The following AEBP1 variants were observed in gnomAD, a reference collection of about 807,000 sequenced individuals.
AEBP1 encodes AE binding protein 1, also known as adipocyte enhancer-binding protein 1.
A neutral mutation model predicts 116.5 loss-of-function variants in AEBP1; 69 were observed. The observed-to-expected ratio is 0.59, with a 90% CI of 0.49 to 0.72. The LOEUF is 0.72. Among genes scored for constraint, AEBP1 ranks in the 30% least tolerant of loss-of-function variants. AEBP1 has a pLI of 0.00. For missense variants in AEBP1, 1,444 were observed against 1,557.5 expected (o/e 0.93, Z 1.23); for synonymous variants, 627 against 627.3 (o/e 1.00, Z 0.01).
At chr7:44,110,890 C>T (rs2096228586) in intron 12 of AEBP1, 23 bp from the exon 13 acceptor site, 1 of 1,613,734 alleles carries the variant, frequency 6.2e-7, no homozygotes, top group Non-Finnish European at 8.5e-7. Flanking sequence ...GGCAGTACTG[C>T]TCTGAGGCCT....
chr7:44,104,749 G>A lies in AEBP1; in HGVS notation c.84G>A (p.Val28=). Residue 28 remains valine, a synonymous_variant, in exon 1 of 21, where the codon GTG becomes GTA. Coordinates refer to ENST00000223357, the MANE Select transcript of AEBP1 (RefSeq NM_001129.5). ...ALCPGGRPQT[V]LTDDEIEEFL... ...GCCCTGGAGGGCGCCCGCAGACGGT[G>A]CTGACCGACGACGAGATCGAGGAGT... 6.2e-7 allele frequency: 1 copy of A among 1,611,644 alleles called. No individual in the cohort carries two copies. Among genetic ancestry groups the A allele is most frequent in the African/African-American group, 1.3e-5 (1 of 74,994 alleles).
chr7:44,110,750 G>A lies in AEBP1; in HGVS notation c.1426G>A (p.Val476Met). The change falls in exon 12 of 21, where the codon GTG becomes ATG. Residue 476 changes from valine (V) to methionine (M), a missense_variant. Coordinates refer to ENST00000223357, the MANE Select transcript of AEBP1 (RefSeq NM_001129.5). The stretch of plus-strand genomic sequence containing the variant: ...TGACGATTTTGTGACCACCTTCTTC[G>A]TGGGCTTCAGCAATGACAGCCAGAC... ...IHDDFVTTFF[V>M]GFSNDSQTWV... The A allele has an allele frequency of 3.9e-6, 6 of 1,525,070 alleles. No individual in the cohort carries two copies. Among genetic ancestry groups the A allele is most frequent in the African/African-American group, 1.4e-5 (1 of 72,316 alleles). The allele number at this position is 1,525,070 out of a possible 1,614,324, so 94.5% of individuals were successfully genotyped here. A position where few individuals can be genotyped will look rare whatever the true frequency, so the allele number is the denominator to read the frequency against.
intron 9 of AEBP1, 98 bp from the exon 10 acceptor site, chr7:44,109,917 C>T (rs576941174): frequency 1.8e-6 from 2 of 1,107,558 alleles, no homozygotes; most frequent in Admixed American, 4.3e-5. Context: ...GACTGTGCCC[C>T]CGATGTGCCG....
chr7:44,104,544 C>T lies in AEBP1; in HGVS notation c.-122C>T. 1.6e-6 allele frequency: 1 copy of T among 630,884 alleles called. No homozygotes were observed. Among genetic ancestry groups the T allele is most frequent in the Non-Finnish European group, 2.5e-6 (1 of 401,828 alleles). 39.1% of individuals were successfully genotyped at this position (630,884 alleles called of 1,614,324 possible). A position where few individuals can be genotyped will look rare whatever the true frequency, so the allele number is the denominator to read the frequency against. On this transcript the variant is annotated 5_prime_UTR_variant, in exon 1 of 21. Coordinates refer to ENST00000223357, the MANE Select transcript of AEBP1 (RefSeq NM_001129.5). Reference sequence around the variant, plus strand: ...TCCCGGATTCCCTCGCTCACCCCATCCTCTCTCCCGCCCCTTCCTGGATTC... The same window carrying T: ...TCCCGGATTCCCTCGCTCACCCCATTCTCTCTCCCGCCCCTTCCTGGATTC...
rs201982646 is a variant in AEBP1, at chr7:44,106,781, G to A, written c.489G>A (p.Lys163=). ...AGAAGCCACCCAAGGCCACCAAGAA[G>A]CCCCCGTCAGGGAAGAGGCCCCCCA... The part of the protein sequence containing the change: ...PKEKPPKATK[K]PPSGKRPPIL... The change falls in exon 2 of 21, where the codon AAG becomes AAA. Residue 163 remains lysine, a synonymous_variant. Transcript: ENST00000223357. 1 of 1,612,042 alleles carries A rather than the reference G, an allele frequency of 6.2e-7. No individual in the cohort carries two copies. Among genetic ancestry groups the A allele is most frequent in the East Asian group, 2.2e-5 (1 of 44,788 alleles).
At position 44,112,254 on chromosome 7, in the gene AEBP1, G is replaced by C. The variant is rs374341905; in HGVS notation, c.2150G>C (p.Trp717Ser). 8.1e-6 allele frequency: 13 copies of C among 1,604,146 alleles called. No homozygotes were observed. Among genetic ancestry groups the C allele is most frequent in the Non-Finnish European group, 6.8e-6 (8 of 1,173,076 alleles). ...SVLWGAEERK[W>S]VPYRVPNNNL... ...CTCTGGGGAGCTGAGGAGAGGAAATGGGTCCCCTACCGGGTCCCCAACAAT... is the reference window on the plus strand; with the variant it reads ...CTCTGGGGAGCTGAGGAGAGGAAATCGGTCCCCTACCGGGTCCCCAACAAT... Residue 717 changes from tryptophan (W) to serine (S), a missense_variant, in exon 17 of 21, where the codon TGG (tryptophan) becomes TCG (serine). Trp to Ser is a radical substitution (Grantham distance 177, BLOSUM62 -3). Coordinates refer to ENST00000223357, the MANE Select transcript of AEBP1 (RefSeq NM_001129.5). The surrounding 1 kb of genome is among the most constrained non-coding windows in gnomAD (Gnocchi z 6.6).
Position 44,104,687 on chromosome 7 carries a change from C to T in AEBP1, c.22C>T (p.Pro8Ser). 1.3e-6 allele frequency: 2 copies of T among 1,583,082 alleles called. No individual in the cohort carries two copies. Among genetic ancestry groups the T allele is most frequent in the Non-Finnish European group, 1.7e-6 (2 of 1,166,204 alleles). ...GGCCATGGCGGCCGTGCGCGGGGCGCCCCTGCTCAGCTGCCTCCTGGCGTT... is the reference window on the plus strand; with the variant it reads ...GGCCATGGCGGCCGTGCGCGGGGCGTCCCTGCTCAGCTGCCTCCTGGCGTT... MAAVRGA[P>S]LLSCLLALLA... The change falls in exon 1 of 21, where the codon CCC becomes TCC. Residue 8 changes from proline (P) to serine (S), a missense_variant. Transcript: ENST00000223357.
At position 44,111,443 on chromosome 7, in the gene AEBP1, A is replaced by G. The variant is rs1364782583; in HGVS notation, c.1717-64A>G. Reference sequence around the variant, plus strand: ...GCCATAGAGCAGGCCCTGGAAGTGGAAGGGGCATGGTCAGCGGGGGACGGA... The same window carrying G: ...GCCATAGAGCAGGCCCTGGAAGTGGGAGGGGCATGGTCAGCGGGGGACGGA... On this transcript the variant is annotated intron_variant, in intron 14 of 20. Transcript: ENST00000223357. The surrounding 1 kb of genome is among the most constrained non-coding windows in gnomAD (Gnocchi z 4.7). 6.6e-7 allele frequency: 1 copy of G among 1,515,832 alleles called. No individual in the cohort carries two copies. The highest frequency in any genetic ancestry group is 8.8e-7 in the Non-Finnish European group (1 of 1,131,356). The allele number at this position is 1,515,832 out of a possible 1,614,324, so 93.9% of individuals were successfully genotyped here. A position where few individuals can be genotyped will look rare whatever the true frequency, so the allele number is the denominator to read the frequency against.
At position 44,113,918 on chromosome 7, in the gene AEBP1, G is replaced by GC. The variant is rs1562690242; in HGVS notation, c.3139dup (p.His1047ProfsTer38). 2 of 1,613,492 alleles carry GC rather than the reference G, an allele frequency of 1.2e-6. No individual in the cohort carries two copies. The highest frequency in any genetic ancestry group is 1.3e-5 in the African/African-American group (1 of 75,050). On this transcript the variant is annotated frameshift_variant, in exon 21 of 21. Transcript: ENST00000223357. LOFTEE classifies it low-confidence loss of function (END_TRUNC). The surrounding 1 kb of genome is among the most constrained non-coding windows in gnomAD (Gnocchi z 5.3). ...CGCCTCAACGCCACCACCACCCTAGGCCCCCACACTGTGCCTCCCACGCTG... is the reference window on the plus strand; with the variant it reads ...CGCCTCAACGCCACCACCACCCTAGGCCCCCCACACTGTGCCTCCCACGCTG...
In AEBP1 at chr7:44,111,623, T is replaced by C. The variant is rs2096229535; in HGVS notation, c.1833T>C (p.His611=). 1 of 1,612,718 alleles carries C rather than the reference T, an allele frequency of 6.2e-7. No individual in the cohort carries two copies. Among genetic ancestry groups the C allele is most frequent in the Non-Finnish European group, 8.5e-7 (1 of 1,179,628 alleles). ...AGATCTCAGACAACCCTGGGGAGCA[T>C]GAACTGGGTGAGGGTCTGTGGGGGC... The part of the protein sequence containing the change: ...AMEISDNPGE[H]ELGEPEFRYT... The change falls in exon 15 of 21, where the codon CAT becomes CAC. Residue 611 remains histidine, a synonymous_variant. Transcript: ENST00000223357. This position sits in a 1 kb window ranked among gnomAD's most constrained non-coding sequence, Gnocchi z 4.7.
chr7:44,112,767 C>T lies in AEBP1; in HGVS notation c.2427C>T (p.His809=), dbSNP rs775994467. 2 of 1,613,008 alleles carry T rather than the reference C, an allele frequency of 1.2e-6. No homozygotes were observed. Among genetic ancestry groups the T allele is most frequent in the South Asian group, 2.2e-5 (2 of 91,088 alleles). Residue 809 remains histidine (H), a synonymous_variant, in exon 18 of 21, where the codon CAC becomes CAT. Coordinates refer to ENST00000223357, the MANE Select transcript of AEBP1 (RefSeq NM_001129.5). The surrounding 1 kb of genome is among the most constrained non-coding windows in gnomAD (Gnocchi z 6.6). ...CCGAGGCCCAGGAGACTCCAGACCA[C>T]GCCATCTTCCGGTGGCTTGCCATCT... is the stretch of plus-strand genomic sequence containing the variant. The part of the protein sequence containing the change: ...EVSEAQETPD[H]AIFRWLAISF...
rs1275263861 is a variant in AEBP1 at position 44,113,203 on chromosome 7, AC to A, written c.2710-47del. On this transcript the variant is annotated intron_variant, in intron 19 of 20. Coordinates refer to ENST00000223357, the MANE Select transcript of AEBP1 (RefSeq NM_001129.5). The surrounding 1 kb of genome is among the most constrained non-coding windows in gnomAD (Gnocchi z 5.3). ...CTGGATGGGCGGGAGGGAGCAGCGG[AC>A]CACATTGGACCTTCCTGAGGACCAG... is the stretch of plus-strand genomic sequence containing the variant. 26 of 1,612,902 alleles carry A rather than the reference AC, an allele frequency of 1.6e-5. No individual in the cohort carries two copies. Among genetic ancestry groups the A allele is most frequent in the Non-Finnish European group, 2.2e-5 (26 of 1,179,300 alleles).
intron 1 of AEBP1, chr7:44,106,236 G>A: frequency 1.8e-6 from 1 of 552,288 alleles, no homozygotes; most frequent in Non-Finnish European, 3.4e-6. Context: ...GTGGAGGAGT[G>A]GATAGTAAGG....
chr7:44,107,848 C>G lies in AEBP1; in HGVS notation c.779C>G (p.Pro260Arg). 1 of 1,611,038 alleles carries G rather than the reference C, an allele frequency of 6.2e-7. No homozygotes were observed. The highest frequency in any genetic ancestry group is 8.5e-7 in the Non-Finnish European group (1 of 1,179,268). Residue 260 changes from proline (P) to arginine (R), a missense_variant, in exon 5 of 21, where the codon CCA (proline) becomes CGA (arginine). By Grantham distance (103) the Pro-to-Arg change is moderately radical. Coordinates refer to ENST00000223357, the MANE Select transcript of AEBP1 (RefSeq NM_001129.5). The surrounding 1 kb of genome is among the most constrained non-coding windows in gnomAD (Gnocchi z 4.3). ...CGCCAGAAGCAACCCAGGCCACCCC[C>G]AAGCAGAAGGAGGAGGCCCGAGCGG... ...IRRQKQPRPP[P>R]SRRRRPERVW...
In AEBP1 at chr7:44,113,781, C is replaced by T; in HGVS notation, c.2997C>T (p.Asn999=). Residue 999 remains asparagine, a synonymous_variant, in exon 21 of 21, where the codon AAC becomes AAT. Coordinates refer to ENST00000223357, the MANE Select transcript of AEBP1 (RefSeq NM_001129.5). This position sits in a 1 kb window ranked among gnomAD's most constrained non-coding sequence, Gnocchi z 5.3. The part of the protein sequence containing the change: ...RIREIMAMNG[N]RPIPHIDPSR... The stretch of plus-strand genomic sequence containing the variant: ...GGGAGATCATGGCCATGAACGGGAA[C>T]CGGCCTATCCCACACATAGACCCAT... 1.2e-6 allele frequency: 2 copies of T among 1,614,096 alleles called. No homozygotes were observed. The highest frequency in any genetic ancestry group is 1.7e-6 in the Non-Finnish European group (2 of 1,179,992).
rs1013697124 is a variant in AEBP1, at chr7:44,107,929, T to C, written c.860T>C (p.Ile287Thr). 3.8e-6 allele frequency: 6 copies of C among 1,584,614 alleles called. No homozygotes were observed. The African/African-American group carries it at 6.8e-5, about 18-fold the overall frequency. ...CCGGCCCCAGCCCCGGAGGAGAGGATTGGTAGGATGGGGGGCAGGAGAGGA... is the reference window on the plus strand; with the variant it reads ...CCGGCCCCAGCCCCGGAGGAGAGGACTGGTAGGATGGGGGGCAGGAGAGGA... ...KAPAPAPEERIEPPVKPLLPP... is the reference protein window; with the variant it reads ...KAPAPAPEERTEPPVKPLLPP... The change falls in exon 5 of 21, where the codon ATT becomes ACT. Residue 287 changes from isoleucine (I) to threonine (T), a missense_variant and splice_region_variant. Coordinates refer to ENST00000223357, the MANE Select transcript of AEBP1 (RefSeq NM_001129.5). The surrounding 1 kb of genome is among the most constrained non-coding windows in gnomAD (Gnocchi z 4.3).
rs890728739 is a variant in AEBP1, at chr7:44,114,250, G to A, written c.3466G>A (p.Gly1156Arg). Residue 1156 changes from glycine to arginine, a missense_variant, in exon 21 of 21, where the codon GGG (glycine) becomes AGG (arginine). Gly to Arg is a moderately radical substitution (Grantham distance 125, BLOSUM62 -2). Transcript: ENST00000223357. ...AGTAGAGACCTACACAGTGAACTTT[G>A]GGGACTTCTGAGATCAGCGTCCTAC... ...TTVETYTVNFGDF is the reference protein window; with the variant it reads ...TTVETYTVNFRDF 1.9e-6 allele frequency: 3 copies of A among 1,613,758 alleles called. No individual in the cohort carries two copies. Among genetic ancestry groups the A allele is most frequent in the Non-Finnish European group, 2.5e-6 (3 of 1,179,716 alleles).
In AEBP1 at chr7:44,113,074, G is replaced by A; in HGVS notation, c.2653G>A (p.Glu885Lys). 1 of 1,614,086 alleles carries A rather than the reference G, an allele frequency of 6.2e-7. No homozygotes were observed. The highest frequency in any genetic ancestry group is 8.5e-7 in the Non-Finnish European group (1 of 1,180,004). ...LGCDKFPHESELPREWENNKE... is the reference protein window; with the variant it reads ...LGCDKFPHESKLPREWENNKE... ...CTGTGACAAGTTCCCTCATGAGAGTGAGCTGCCCCGCGAGTGGGAGAACAA... is the reference window on the plus strand; with the variant it reads ...CTGTGACAAGTTCCCTCATGAGAGTAAGCTGCCCCGCGAGTGGGAGAACAA... Residue 885 changes from glutamate to lysine, a missense_variant, in exon 19 of 21, where the codon GAG becomes AAG. By Grantham distance (56) the Glu-to-Lys change is moderately conservative. Coordinates refer to ENST00000223357, the MANE Select transcript of AEBP1 (RefSeq NM_001129.5). This position sits in a 1 kb window ranked among gnomAD's most constrained non-coding sequence, Gnocchi z 5.3.
In AEBP1 at chr7:44,111,302, C is replaced by T. The variant is rs2096229133; in HGVS notation, c.1716+63C>T. 1.4e-6 allele frequency: 2 copies of T among 1,453,796 alleles called. No homozygotes were observed. Among genetic ancestry groups the T allele is most frequent in the Admixed American group, 5.2e-5 (2 of 38,754 alleles). The allele number at this position is 1,453,796 out of a possible 1,614,324, so 90.1% of individuals were successfully genotyped here. The stretch of plus-strand genomic sequence containing the variant: ...GTCTGTGGCTGACGGGAGTGTGTGC[C>T]TGGTGCTTCTGTCACTGGGCCCAGT... On this transcript the variant is annotated intron_variant, in intron 14 of 20. Coordinates refer to ENST00000223357, the MANE Select transcript of AEBP1 (RefSeq NM_001129.5). This position sits in a 1 kb window ranked among gnomAD's most constrained non-coding sequence, Gnocchi z 4.7.
Sources: gnomAD v4.1 joint callset for allele counts on GRCh38, gnomAD v4.1.1 for gene constraint, Gnocchi (gnomAD v3.1) non-coding constraint, MANE v1.5 for transcripts, NCBI Gene and HGNC (gene_info 2026-07-23, HGNC 2026-07-21) for gene names.